Variants in TICRR observed in about 807,000 individuals in gnomAD.
The protein encoded by TICRR is treslin.
In TICRR, 132 loss-of-function variants were observed where a neutral mutation model predicts 178.1. The observed-to-expected ratio is 0.74, with a 90% CI of 0.64 to 0.86. The LOEUF is 0.86. Ranked by LOEUF, TICRR falls within the 40% of genes least tolerant of loss-of-function variation. TICRR has a pLI of 0.00. For missense variants in TICRR, 2,587 were observed against 2,334.3 expected, an observed-to-expected ratio of 1.11 and a Z score of -2.23; for synonymous variants, 991 against 900.7, an observed-to-expected ratio of 1.10 and a Z score of -1.79.
chr15:89,595,460 T>A lies in TICRR; in HGVS notation c.1749T>A (p.Asn583Lys), dbSNP rs369525507. The A allele has an allele frequency of 5.0e-6, 8 of 1,614,146 alleles. No individual in the cohort carries two copies. The highest frequency in any genetic ancestry group is 6.8e-6 in the Non-Finnish European group (8 of 1,180,028). The change falls in exon 7 of 22, where the codon AAT (asparagine) becomes AAA (lysine). Residue 583 changes from asparagine (N) to lysine (K), a missense_variant. By Grantham distance (94) the Asn-to-Lys change is moderately conservative (BLOSUM62 0). Coordinates refer to ENST00000268138, the MANE Select transcript of TICRR (RefSeq NM_152259.4). ...TGTGCCGTTCCTTAAAGATGTTGAA[T>A]GTCGCAAGGCTGAATGTGAAGGCCC... is the stretch of plus-strand genomic sequence containing the variant. ...NTMCRSLKML[N>K]VARLNVKAQK...
At chr15:89,616,312 C>A in intron 15 of TICRR, 93 bp from the exon 16 acceptor site, 1 of 942,024 alleles carries the variant, frequency 1.1e-6, no homozygotes, top group Non-Finnish European at 1.7e-6. Flanking sequence ...AGGTAATAAG[C>A]CATACAGAAG....
Position 89,624,246 on chromosome 15 carries a change from T to A in TICRR, c.3936T>A (p.Phe1312Leu), listed in dbSNP as rs1048506320. 2 of 1,614,224 alleles carry A rather than the reference T, an allele frequency of 1.2e-6. No homozygotes were observed. The highest frequency in any genetic ancestry group is 1.7e-4 in the Middle Eastern group (1 of 6,060). Residue 1312 changes from phenylalanine (F) to leucine (L), a missense_variant, in exon 20 of 22, where the codon TTT becomes TTA. Coordinates refer to ENST00000268138, the MANE Select transcript of TICRR (RefSeq NM_152259.4). ...SSPPVTPKKL[F>L]TSPLCDVSKK... ...CACCTGTTACGCCAAAGAAACTGTTTACCTCTCCTTTATGTGATGTCTCCA... is the reference window on the plus strand; with the variant it reads ...CACCTGTTACGCCAAAGAAACTGTTAACCTCTCCTTTATGTGATGTCTCCA...
chr15:89,590,648 C>T (rs1025938048), intron 4 of TICRR, among the ~76,000 whole-genome samples: 1 of 152,200 alleles, frequency 6.6e-6, no homozygotes, highest in African/African-American at 2.4e-5. Context: ...ATACTGCATT[C>T]TCCATGAGAC....
chr15:89,615,777 TATTTC>T (rs749748393), intron 15 of TICRR, among the ~76,000 whole-genome samples: 3 of 152,054 alleles, frequency 2.0e-5, no homozygotes, highest in Non-Finnish European at 2.9e-5. Flanking sequence ...CATTTTCACA[TATTTC>T]ATTTAATCAT....
chr15:89,582,683 T>C lies in TICRR; in HGVS notation c.655-3T>C. ...CCTAAGGTTGTTTGTCGTTTTATTT[T>C]AGTTGTGGGAATCCCCAGACCACCT... is the stretch of plus-strand genomic sequence containing the variant. On this transcript the variant is annotated splice_region_variant and splice_polypyrimidine_tract_variant and intron_variant, in intron 1 of 21. Coordinates refer to ENST00000268138, the MANE Select transcript of TICRR (RefSeq NM_152259.4). The C allele has an allele frequency of 6.2e-7, 1 of 1,610,858 alleles. No homozygotes were observed. The highest frequency in any genetic ancestry group is 8.5e-7 in the Non-Finnish European group (1 of 1,177,622).
chr15:89,619,592 G>C, intron 17 of TICRR, 116 bp from the exon 18 acceptor site: 1 of 1,092,016 alleles, frequency 9.2e-7, no homozygotes, highest in Admixed American at 2.4e-5. Context: ...CTAATAGCTT[G>C]CTGAATTTCC....
At chr15:89,622,790 A>G (rs762138699) in intron 19 of TICRR, among the ~76,000 whole-genome samples, 80 of 152,162 alleles carry the variant, frequency 5.3e-4, no homozygotes, top group Admixed American at 1.3e-3. Context: ...ATTGTTTTCT[A>G]TGCCTACAGG....
rs763778539 is a variant in TICRR at position 89,584,479 on chromosome 15, G to T, written c.1128G>T (p.Leu376=). Residue 376 remains leucine (L), a synonymous_variant, in exon 3 of 22, where the codon CTG becomes CTT. Coordinates refer to ENST00000268138, the MANE Select transcript of TICRR (RefSeq NM_152259.4). ...AGGAGAGCACAGCAACTCAAAGGCT[G>T]TTATTTCAGCAGTTGGTAAGCAGGC... ...SPEESTATQR[L]LFQQLVSRLT... is the part of the protein sequence containing the mutation. 6.2e-7 allele frequency: 1 copy of T among 1,602,764 alleles called. No homozygotes were observed. Among genetic ancestry groups the T allele is most frequent in the Non-Finnish European group, 8.5e-7 (1 of 1,173,396 alleles).
intron 3 of TICRR, 70 bp from the exon 4 acceptor site, chr15:89,585,638 T>C: frequency 9.4e-7 from 1 of 1,058,696 alleles, no homozygotes; most frequent in Non-Finnish European, 1.4e-6. Flanking sequence ...ATTCTGTCTT[T>C]TAGTACACTA....
chr15:89,579,965 C>G (rs1296657752), intron 1 of TICRR: 3 of 152,208 alleles, frequency 2.0e-5, no homozygotes, highest in African/African-American at 7.2e-5. Flanking sequence ...GCCATGCACA[C>G]ATTACCTTTA....
At chr15:89,584,603 G>A (rs1962789003) in intron 3 of TICRR, 76 bp downstream of exon 3, 3 of 1,425,770 alleles carry the variant, frequency 2.1e-6, no homozygotes, top group Non-Finnish European at 2.8e-6. Flanking sequence ...GTTTATAAAT[G>A]CCCTACACAA....
intron 17 of TICRR, among the ~76,000 whole-genome samples, chr15:89,618,913 C>T (rs545582036): frequency 1.6e-4 from 25 of 152,276 alleles, no homozygotes; most frequent in African/African-American, 2.9e-4. Context: ...GAGCTATGAT[C>T]GTGCCTCTGC....
At chr15:89,600,111 A>AAT (rs573608448) in intron 8 of TICRR, among the ~76,000 whole-genome samples, 159 of 152,094 alleles carry the variant, frequency 1.0e-3, no homozygotes, top group Middle Eastern at 3.4e-3. Flanking sequence ...ATCTCCAAAG[A>AAT]ATATATATAT....
At position 89,582,707 on chromosome 15, in the gene TICRR, C is replaced by G; in HGVS notation, c.676C>G (p.Leu226Val). The G allele has an allele frequency of 6.2e-7, 1 of 1,614,112 alleles. No individual in the cohort carries two copies. Among genetic ancestry groups the G allele is most frequent in the Admixed American group, 1.7e-5 (1 of 60,018 alleles). ...TTAGTTGTGGGAATCCCCAGACCAC[C>G]TTGGATACTGGACTGTTTGTGAACT... ...WSKLWESPDH[L>V]GYWTVCELLH... The change falls in exon 2 of 22, where the codon CTT (leucine) becomes GTT (valine). Residue 226 changes from leucine (L) to valine (V), a missense_variant. Leu to Val is a conservative substitution (Grantham distance 32, BLOSUM62 1). Transcript: ENST00000268138.
At position 89,619,825 on chromosome 15, in the gene TICRR, T is replaced by C. The variant is rs776893332; in HGVS notation, c.3137T>C (p.Phe1046Ser). The C allele has an allele frequency of 6.2e-6, 10 of 1,612,294 alleles. No homozygotes were observed. Among genetic ancestry groups the C allele is most frequent in the Non-Finnish European group, 8.5e-6 (10 of 1,179,484 alleles). ...KSRSVQRVHS[F>S]QQDKSDQREN... The stretch of plus-strand genomic sequence containing the variant: ...CGAAGTGTGCAAAGAGTCCACTCTT[T>C]CCAGCAAGATAAGTCAGGTAACATA... The change falls in exon 18 of 22, where the codon TTC (phenylalanine) becomes TCC (serine). Residue 1046 changes from phenylalanine (F) to serine (S), a missense_variant. By Grantham distance (155) the Phe-to-Ser change is radical. Coordinates refer to ENST00000268138, the MANE Select transcript of TICRR (RefSeq NM_152259.4).
At position 89,627,656 on chromosome 15, in the gene TICRR, A is replaced by T. The variant is rs1963558700; in HGVS notation, c.*570A>T. The stretch of plus-strand genomic sequence containing the variant: ...CTGAGGTTAACTGTGACCATGGTCC[A>T]GCTTGAGTGGCTTCTGGAGCAGCCA... On this transcript the variant is annotated 3_prime_UTR_variant, in exon 22 of 22. Transcript: ENST00000268138. 6.5e-6 allele frequency: 1 copy of T among 153,714 alleles called. No homozygotes were observed. The highest frequency in any genetic ancestry group is 2.4e-5 in the African/African-American group (1 of 41,468). The allele number at this position is 153,714 out of a possible 1,614,324, so 9.5% of individuals were successfully genotyped here.
At chr15:89,590,214 G>A (rs150700549) in intron 4 of TICRR, among the ~76,000 whole-genome samples, 107 of 152,220 alleles carry the variant, frequency 7.0e-4, no homozygotes, top group Middle Eastern at 3.4e-3. Context: ...TTGAAAGGAC[G>A]TAGTGTACAG....
chr15:89,621,539 G>A lies in TICRR; in HGVS notation c.3301G>A (p.Ala1101Thr). ...AAACACTTTGGATTCGGAGGTACCT[G>A]CAGCTTACCAGGTATAATGTTTCTG... ...SRNTLDSEVP[A>T]AYQTPKKSHQ... is the part of the protein sequence containing the mutation. The change falls in exon 19 of 22, where the codon GCA becomes ACA. Residue 1101 changes from alanine to threonine, a missense_variant. Ala to Thr is a moderately conservative substitution (Grantham distance 58). Transcript: ENST00000268138. 1 of 1,611,572 alleles carries A rather than the reference G, an allele frequency of 6.2e-7. No individual in the cohort carries two copies. The highest frequency in any genetic ancestry group is 8.5e-7 in the Non-Finnish European group (1 of 1,179,294).
intron 6 of TICRR, among the ~76,000 whole-genome samples, chr15:89,595,192 C>G (rs1962976680): frequency 6.6e-6 from 1 of 152,134 alleles, no homozygotes; most frequent in Non-Finnish European, 1.5e-5. Flanking sequence ...ATGTTTAGTT[C>G]CTAAACTTCG....
Sources: allele counts gnomAD v4.1 joint callset (sites outside exome capture counted in the v4.1 genomes callset), GRCh38; gene constraint gnomAD v4.1.1; transcripts MANE v1.5; gene names NCBI Gene and HGNC (gene_info 2026-07-23, HGNC 2026-07-21).